Variants in BCKDHB observed in about 807,000 individuals in gnomAD.
The protein encoded by BCKDHB is 2-oxoisovalerate dehydrogenase subunit beta, mitochondrial.
BCKDHB carries 41 observed loss-of-function variants against 48.5 expected under a neutral mutation model. The observed-to-expected ratio is 0.85, with a 90% confidence interval of 0.66 to 1.10. The LOEUF (loss-of-function observed/expected upper bound fraction) is 1.10. Ranked by LOEUF, BCKDHB falls within the 50% of genes least tolerant of loss-of-function variation. The pLI is 0.00. For missense variants in BCKDHB, 496 were observed against 494.2 expected (o/e 1.00, Z -0.03); for synonymous variants, 201 against 174.8 (o/e 1.15, Z -1.18).
intron 8 of BCKDHB, among the ~76,000 whole-genome samples, chr6:80,216,719 A>G (rs1775189361): frequency 6.6e-6 from 1 of 152,234 alleles, no homozygotes; most frequent in Admixed American, 6.5e-5. Flanking sequence ...GTGTAATACA[A>G]GAAATCTAAA....
chr6:80,148,445 T>G (rs535241945), intron 3 of BCKDHB, among the ~76,000 whole-genome samples: 4 of 152,254 alleles, frequency 2.6e-5, no homozygotes, highest in Non-Finnish European at 5.9e-5. Context: ...AGCTCAGATT[T>G]AAGACGTCAG....
chr6:80,125,789 C>A (rs1050207508), intron 1 of BCKDHB, among the ~76,000 whole-genome samples: 2 of 151,782 alleles, frequency 1.3e-5, no homozygotes, highest in African/African-American at 4.8e-5. Flanking sequence ...GCTGTGGCAC[C>A]CCAAGACACT....
At chr6:80,286,272 G>A (rs1766623670) in intron 9 of BCKDHB, among the ~76,000 whole-genome samples, 1 of 152,132 alleles carries the variant, frequency 6.6e-6, no homozygotes, top group African/African-American at 2.4e-5. Flanking sequence ...TCTCCTTAGA[G>A]TAAACCCAAT....
At chr6:80,419,896 A>G in the BCKDHB span, among the ~76,000 whole-genome samples, 3 of 152,224 alleles carry the variant, frequency 2.0e-5, no homozygotes, top group Admixed American at 6.5e-5. Context: ...GAATATGCTA[A>G]TTCTTTCCTC....
At chr6:80,224,671 A>T (rs183111047) in intron 8 of BCKDHB, among the ~76,000 whole-genome samples, 19 of 152,296 alleles carry the variant, frequency 1.2e-4, no homozygotes, top group Admixed American at 3.9e-4. Context: ...AAGTGCTGGG[A>T]TTACAGGAGT....
intron 9 of BCKDHB, among the ~76,000 whole-genome samples, chr6:80,315,125 TA>T (rs1768372373): frequency 6.6e-6 from 1 of 152,134 alleles, no homozygotes; most frequent in Admixed American, 6.5e-5. Context: ...CTCAGCTCCC[TA>T]GATTTAGCCG....
the BCKDHB span, among the ~76,000 whole-genome samples, chr6:80,459,820 G>T: frequency 1.3e-5 from 2 of 152,140 alleles, no homozygotes; most frequent in East Asian, 3.9e-4. Flanking sequence ...TCTTCCAAAG[G>T]TTGAATGTCA....
chr6:80,108,705 C>A (rs1353375437), intron 1 of BCKDHB, among the ~76,000 whole-genome samples: 3 of 151,920 alleles, frequency 2.0e-5, no homozygotes, highest in Non-Finnish European at 4.4e-5. Flanking sequence ...ACCAAAAATA[C>A]AAAAATTAGC....
At chr6:80,274,793 T>G (rs1777902057) in intron 9 of BCKDHB, among the ~76,000 whole-genome samples, 1 of 152,026 alleles carries the variant, frequency 6.6e-6, no homozygotes, top group African/African-American at 2.4e-5. Context: ...TACAACATTT[T>G]TTTAGATTGG....
intron 8 of BCKDHB, among the ~76,000 whole-genome samples, chr6:80,256,575 G>A (rs777055511): frequency 7.9e-5 from 12 of 152,110 alleles, no homozygotes; most frequent in Middle Eastern, 3.2e-3. Flanking sequence ...AAAGTTGTTT[G>A]ACTAAGGAAA....
chr6:80,167,702 CA>C lies in BCKDHB; in HGVS notation c.369del (p.Leu124CysfsTer106), dbSNP rs1325980273. On this transcript the variant is annotated frameshift_variant, in exon 4 of 10. Coordinates refer to ENST00000320393, the MANE Select transcript of BCKDHB (RefSeq NM_183050.4). LOFTEE classifies it high-confidence loss of function. Reference protein sequence around the residue: ...KYGKDRVFNTPLCEQGIVGFG... With the variant: ...KYGKDRVFNTXLCEQGIVGFG... Reference sequence around the variant, plus strand: ...GGAAAAGATAGAGTTTTTAATACCCCATTGTGTGAACAAGGAATTGTTGGAT... The same window carrying C: ...GGAAAAGATAGAGTTTTTAATACCCCTTGTGTGAACAAGGAATTGTTGGAT... 1 of 1,610,798 alleles carries C rather than the reference CA, an allele frequency of 6.2e-7. No homozygotes were observed. The highest frequency in any genetic ancestry group is 1.7e-5 in the Admixed American group (1 of 59,988).
intron 1 of BCKDHB, among the ~76,000 whole-genome samples, chr6:80,118,558 T>C (rs1769832278): frequency 6.6e-6 from 1 of 152,136 alleles, no homozygotes; most frequent in Non-Finnish European, 1.5e-5. Flanking sequence ...GTTTGCTGCA[T>C]TGATAGAATC....
the BCKDHB span, among the ~76,000 whole-genome samples, chr6:80,425,287 C>T: frequency 6.6e-6 from 1 of 152,136 alleles, no homozygotes. Flanking sequence ...GAATTCAAGA[C>T]TAAAATACTT....
At chr6:80,234,305 A>G (rs1776055524) in intron 8 of BCKDHB, among the ~76,000 whole-genome samples, 1 of 152,186 alleles carries the variant, frequency 6.6e-6, no homozygotes, top group East Asian at 1.9e-4. Flanking sequence ...ATAGTTTTAA[A>G]AGAAGATTGC....
intron 9 of BCKDHB, among the ~76,000 whole-genome samples, chr6:80,308,701 T>G (rs1250106985): frequency 6.6e-6 from 1 of 151,638 alleles, no homozygotes; most frequent in African/African-American, 2.4e-5. Flanking sequence ...TTCACGCCAT[T>G]CTCCTGCCTC....
At chr6:80,226,539 A>G (rs576874601) in intron 8 of BCKDHB, among the ~76,000 whole-genome samples, 114 of 152,336 alleles carry the variant, frequency 7.5e-4, no homozygotes, top group Non-Finnish European at 1.4e-3. Context: ...GAGTGGATGG[A>G]CAATAGATTA....
At chr6:80,226,489 G>A (rs150300517) in intron 8 of BCKDHB, among the ~76,000 whole-genome samples, 1 of 152,298 alleles carries the variant, frequency 6.6e-6, no homozygotes, top group Non-Finnish European at 1.5e-5. Flanking sequence ...GGATAACTTT[G>A]CATCCCTTTT....
At position 80,119,330 on chromosome 6, in the gene BCKDHB, G is replaced by GT. The variant is rs1326920898; in HGVS notation, c.197-8211dup. Reference sequence around the variant, plus strand: ...TATAAATGTTGACTTCTTTTTTACTGTTTTTTGAGACAGAGTCTCACTCTG... The same window carrying GT: ...TATAAATGTTGACTTCTTTTTTACTGTTTTTTTGAGACAGAGTCTCACTCTG... On this transcript the variant is annotated intron_variant, in intron 1 of 9. Coordinates refer to ENST00000320393, the MANE Select transcript of BCKDHB (RefSeq NM_183050.4). 3.3e-5 allele frequency among the ~76,000 whole-genome samples: 5 copies of GT among 152,112 alleles called. No individual in the cohort carries two copies. The South Asian group carries it at 8.3e-4, about 25-fold the overall frequency.
At chr6:80,173,263 G>A (rs1367768998) in intron 6 of BCKDHB, among the ~76,000 whole-genome samples, 3 of 152,062 alleles carry the variant, frequency 2.0e-5, no homozygotes, top group Admixed American at 6.6e-5. Flanking sequence ...GTATTCAAAA[G>A]GTTTCCAGAA....
Sources: allele counts gnomAD v4.1 joint callset (sites outside exome capture counted in the v4.1 genomes callset), GRCh38; gene constraint gnomAD v4.1.1; transcripts MANE v1.5; gene names NCBI Gene and HGNC (gene_info 2026-07-23, HGNC 2026-07-21).